The following AMBN variants were observed in gnomAD, a reference collection of about 807,000 sequenced individuals.
AMBN encodes the protein ameloblastin.
A neutral mutation model predicts 48.0 loss-of-function variants in AMBN; 54 were observed. The observed-to-expected ratio is 1.12, with a 90% CI of 0.90 to 1.41. AMBN has a LOEUF of 1.41. Ranked by LOEUF, AMBN falls within the 40% of genes most tolerant of loss-of-function variation. AMBN has a pLI of 0.00. For synonymous variants in AMBN, 186 were observed against 190.0 expected, an observed-to-expected ratio of 0.98 and a Z score of 0.17; for missense variants, 571 against 547.3, an observed-to-expected ratio of 1.04 and a Z score of -0.43.
chr4:70,597,091 G>C, intron 3 of AMBN, 42 bp downstream of exon 3: 2 of 1,543,510 alleles, frequency 1.3e-6, no homozygotes, highest in Non-Finnish European at 1.8e-6. Context: ...CTTTACATTG[G>C]TATATTTGTG....
At position 70,606,897 on chromosome 4, in the gene AMBN, T is replaced by C; in HGVS notation, c.*167T>C. On this transcript the variant is annotated 3_prime_UTR_variant, in exon 13 of 13. Coordinates refer to ENST00000322937, the MANE Select transcript of AMBN (RefSeq NM_016519.6). ...GCTAGAAATAGTGTAGGTCCCCTTC[T>C]TGCTTTCAATATCTTGTTGAAATAA... The C allele has an allele frequency of 1.5e-6, 1 of 689,142 alleles. No individual in the cohort carries two copies. 42.7% of individuals were successfully genotyped at this position (689,142 alleles called of 1,614,324 possible).
intron 5 of AMBN, 57 bp downstream of exon 5, chr4:70,599,703 TGCC>T: frequency 7.6e-7 from 1 of 1,318,336 alleles, no homozygotes; most frequent in South Asian, 1.4e-5. Flanking sequence ...TCTTCTTACT[TGCC>T]TTCTTTAAGT....
Position 70,598,410 on chromosome 4 carries a change from A to G in AMBN, c.183+7A>G, listed in dbSNP as rs1221550278. On this transcript the variant is annotated splice_region_variant and intron_variant, in intron 4 of 12. Transcript: ENST00000322937. The stretch of plus-strand genomic sequence containing the variant: ...ATTAAACACACTTTCTCAGGTAATC[A>G]TATTTCTTATTGCAAGTATTCATGG... 6 of 1,583,752 alleles carry G rather than the reference A, an allele frequency of 3.8e-6. No homozygotes were observed. Among genetic ancestry groups the G allele is most frequent in the Non-Finnish European group, 5.2e-6 (6 of 1,164,442 alleles).
rs1438251583 is a variant in AMBN at position 70,602,730 on chromosome 4, A to T, written c.570+68A>T. 1,879 of 963,726 alleles carry T rather than the reference A, an allele frequency of 1.9e-3. 10 individuals carry two copies. Among genetic ancestry groups the T allele is most frequent in the Non-Finnish European group, 2.6e-3 (1,726 of 654,828 alleles). The allele number at this position is 963,726 out of a possible 1,614,324, so 59.7% of individuals were successfully genotyped here. On this transcript the variant is annotated intron_variant, in intron 7 of 12. Transcript: ENST00000322937. ...TTAATTTTTATTTGTTCACTTTTTT[A>T]TTTTTATTTGTATTTAACTACTTTG...
At chr4:70,594,756 A>T (rs72652262) in intron 2 of AMBN, among the ~76,000 whole-genome samples, 1,647 of 152,318 alleles carry the variant, frequency 0.011, 14 homozygotes, top group Middle Eastern at 0.034. Context: ...GTCATTCACT[A>T]TCAGTCTAAC....
intron 12 of AMBN, among the ~76,000 whole-genome samples, chr4:70,605,248 A>T (rs1737615851): frequency 6.6e-6 from 1 of 152,176 alleles, no homozygotes; most frequent in Admixed American, 6.5e-5. Context: ...TTGTATCTAT[A>T]TAGCACCAAT....
chr4:70,603,983 T>G, intron 12 of AMBN, 62 bp downstream of exon 12: 1 of 1,542,042 alleles, frequency 6.5e-7, no homozygotes, highest in South Asian at 1.1e-5. Flanking sequence ...CACTTATGAC[T>G]GGCTGCAAGA....
intron 12 of AMBN, among the ~76,000 whole-genome samples, chr4:70,604,979 C>T (rs1474733464): frequency 1.4e-5 from 2 of 139,744 alleles, no homozygotes; most frequent in African/African-American, 2.7e-5. Context: ...GGCAACAGAG[C>T]AAGACCCTGC....
At position 70,606,259 on chromosome 4, in the gene AMBN, A is replaced by G. The variant is rs1250756471; in HGVS notation, c.873A>G (p.Gly291=). The change falls in exon 13 of 13, where the codon GGA becomes GGG. Residue 291 remains glycine (G), a synonymous_variant. Coordinates refer to ENST00000322937, the MANE Select transcript of AMBN (RefSeq NM_016519.6). The stretch of plus-strand genomic sequence containing the variant: ...GAGGCATGAGGCCCGGCTTTGAGGG[A>G]ATGCCCCACAACCCAGCTATGGGCG... The part of the protein sequence containing the change: ...GFGGMRPGFE[G]MPHNPAMGGD... The G allele has an allele frequency of 3.1e-6, 5 of 1,614,040 alleles. No homozygotes were observed. Among genetic ancestry groups the G allele is most frequent in the Non-Finnish European group, 3.4e-6 (4 of 1,179,984 alleles).
chr4:70,603,766 C>A, intron 11 of AMBN, 111 bp from the exon 12 acceptor site: 1 of 1,158,644 alleles, frequency 8.6e-7, no homozygotes, highest in Non-Finnish European at 1.3e-6. Context: ...TGCCTCTGTA[C>A]ACAGCATTAA....
chr4:70,606,818 C>A lies in AMBN; in HGVS notation c.*88C>A. On this transcript the variant is annotated 3_prime_UTR_variant, in exon 13 of 13. Transcript: ENST00000322937. Reference sequence around the variant, plus strand: ...ACCTTTTTGCTAAAACACTTATTACCCTTCTGCAGCAAAGGCATTAAAAGC... The same window carrying A: ...ACCTTTTTGCTAAAACACTTATTACACTTCTGCAGCAAAGGCATTAAAAGC... 1.4e-6 allele frequency: 2 copies of A among 1,400,662 alleles called. No individual in the cohort carries two copies. Among genetic ancestry groups the A allele is most frequent in the Non-Finnish European group, 1.9e-6 (2 of 1,043,920 alleles). 86.8% of individuals were successfully genotyped at this position (1,400,662 alleles called of 1,614,324 possible).
intron 4 of AMBN, among the ~76,000 whole-genome samples, chr4:70,598,760 C>T (rs1044624223): frequency 6.6e-6 from 1 of 151,800 alleles, no homozygotes; most frequent in Admixed American, 6.6e-5. Context: ...ATTTGATTTA[C>T]TTATTTTATT....
chr4:70,597,183 G>T, intron 3 of AMBN, 134 bp downstream of exon 3: 1 of 656,634 alleles, frequency 1.5e-6, no homozygotes, highest in African/African-American at 1.8e-5. Context: ...TGCTAGAAAA[G>T]TTATGACATT....
chr4:70,597,848 A>T (rs1737423186), intron 3 of AMBN, among the ~76,000 whole-genome samples: 1 of 152,210 alleles, frequency 6.6e-6, no homozygotes, highest in Admixed American at 6.5e-5. Flanking sequence ...AAATGGTAGC[A>T]TTCTCGATAA....
chr4:70,606,870 T>A lies in AMBN; in HGVS notation c.*140T>A. 1 of 929,654 alleles carries A rather than the reference T, an allele frequency of 1.1e-6. No homozygotes were observed. Among genetic ancestry groups the A allele is most frequent in the Non-Finnish European group, 1.6e-6 (1 of 634,164 alleles). The allele number at this position is 929,654 out of a possible 1,614,324, so 57.6% of individuals were successfully genotyped here. ...CTAAGCATATATTAATAAATGCAAG[T>A]GGCTAGAAATAGTGTAGGTCCCCTT... On this transcript the variant is annotated 3_prime_UTR_variant, in exon 13 of 13. Coordinates refer to ENST00000322937, the MANE Select transcript of AMBN (RefSeq NM_016519.6).
chr4:70,599,584 G>C lies in AMBN; in HGVS notation c.232G>C (p.Gly78Arg), dbSNP rs143795139. 1.9e-6 allele frequency: 3 copies of C among 1,613,202 alleles called. No individual in the cohort carries two copies. The highest frequency in any genetic ancestry group is 2.5e-6 in the Non-Finnish European group (3 of 1,179,758). Residue 78 changes from glycine (G) to arginine (R), a missense_variant, in exon 5 of 13, where the codon GGT becomes CGT. Transcript: ENST00000322937. ...GKSFNSLWMH[G>R]LLPPHSSLPW... ...ATCATTTAATTCTTTGTGGATGCAC[G>C]GTCTCCTCCCACCACATTCCTCTCT...
In AMBN at chr4:70,603,937, T is replaced by C; in HGVS notation, c.798+16T>C. 2 of 1,613,128 alleles carry C rather than the reference T, an allele frequency of 1.2e-6. No homozygotes were observed. Among genetic ancestry groups the C allele is most frequent in the Non-Finnish European group, 1.7e-6 (2 of 1,179,214 alleles). On this transcript the variant is annotated intron_variant, in intron 12 of 12. Coordinates refer to ENST00000322937, the MANE Select transcript of AMBN (RefSeq NM_016519.6). ...AGAAGTGGCAGTGAGTAATGTCTTC[T>C]AACTCTTCTTAAAATAGTGGCCAGG... is the stretch of plus-strand genomic sequence containing the variant.
At chr4:70,605,786 T>C (rs568713009) in intron 12 of AMBN, among the ~76,000 whole-genome samples, 1 of 152,238 alleles carries the variant, frequency 6.6e-6, no homozygotes, top group Non-Finnish European at 1.5e-5. Context: ...GGAACTTCAT[T>C]TGGGGGACAC....
intron 4 of AMBN, 40 bp from the exon 5 acceptor site, chr4:70,599,496 A>T: frequency 7.2e-7 from 1 of 1,389,324 alleles, no homozygotes; most frequent in Non-Finnish European, 1.0e-6. Flanking sequence ...TATATTTAAC[A>T]TTTAAATATA....
Sources: allele counts gnomAD v4.1 joint callset (sites outside exome capture counted in the v4.1 genomes callset), GRCh38; gene constraint gnomAD v4.1.1; transcripts MANE v1.5; gene names NCBI Gene and HGNC (gene_info 2026-07-23, HGNC 2026-07-21).